Variants in ATP8A1 observed in about 807,000 individuals in gnomAD.
The protein encoded by ATP8A1 is ATPase phospholipid transporting 8A1, also known as phospholipid-transporting ATPase IA.
Under a neutral mutation model 177.7 loss-of-function variants are expected in ATP8A1, and 90 were observed. The ratio of observed to expected loss-of-function variants is 0.51; its 90% CI spans 0.43 to 0.60. The LOEUF (loss-of-function observed/expected upper bound fraction) is 0.60, where lower values mean the gene tolerates loss of function less well. ATP8A1 is among the 20% of genes least tolerant of loss of function. ATP8A1 has a pLI of 0.00. For synonymous variants in ATP8A1, 493 were observed against 485.9 expected (o/e 1.01, Z -0.19); for missense variants, 1,072 against 1,392.8 (o/e 0.77, Z 3.67).
chr4:42,507,056 C>A lies in ATP8A1; in HGVS notation c.2046G>T (p.Trp682Cys), dbSNP rs1415055978. Residue 682 changes from tryptophan to cysteine, a missense_variant, in exon 23 of 37, where the codon TGG (tryptophan) becomes TGT (cysteine). Coordinates refer to ENST00000381668, the MANE Select transcript of ATP8A1 (RefSeq NM_006095.2). ...ETLMKADIKIWILTGDKQETA... is the reference protein window; with the variant it reads ...ETLMKADIKICILTGDKQETA... ...TTTCTTGCTTGTCCCCTGTAAGGAT[C>A]CAGATTTTGATGTCTGCTTTCATTA... 6.2e-7 allele frequency: 1 copy of A among 1,614,056 alleles called. No homozygotes were observed. The highest frequency in any genetic ancestry group is 8.5e-7 in the Non-Finnish European group (1 of 1,179,970).
At chr4:42,483,392 A>C (rs1430742169) in intron 25 of ATP8A1, among the ~76,000 whole-genome samples, 4 of 151,834 alleles carry the variant, frequency 2.6e-5, no homozygotes, top group Admixed American at 2.6e-4. Flanking sequence ...AAAAAAAAAA[A>C]ACCTTAAAAC....
intron 12 of ATP8A1, among the ~76,000 whole-genome samples, chr4:42,575,929 G>C (rs549353127): frequency 2.6e-5 from 4 of 152,234 alleles, no homozygotes; most frequent in East Asian, 1.9e-4. Flanking sequence ...GGTAGTTAGA[G>C]CCTGTCTATG....
Position 42,410,900 on chromosome 4 carries a change from A to G in ATP8A1, c.*2016T>C, listed in dbSNP as rs566356269. 2.6e-5 allele frequency: 4 copies of G among 152,348 alleles called. No homozygotes were observed. Among genetic ancestry groups the G allele is most frequent in the Non-Finnish European group, 4.4e-5 (3 of 68,022 alleles). 9.4% of individuals were successfully genotyped at this position (152,348 alleles called of 1,614,324 possible). On this transcript the variant is annotated 3_prime_UTR_variant, in exon 37 of 37. Coordinates refer to ENST00000381668, the MANE Select transcript of ATP8A1 (RefSeq NM_006095.2). ...AGCTCTTCTCTATTAACAGAATTAA[A>G]CACTACAAAGTGTTTCTCTGGAGGG...
chr4:42,431,368 A>G (rs1476159285), intron 33 of ATP8A1, among the ~76,000 whole-genome samples: 1 of 152,178 alleles, frequency 6.6e-6, no homozygotes, highest in Non-Finnish European at 1.5e-5. Context: ...ATGGCTCACA[A>G]ATTGGGAAGA....
intron 6 of ATP8A1, among the ~76,000 whole-genome samples, chr4:42,594,515 G>A (rs1315635101): frequency 1.3e-5 from 2 of 152,044 alleles, no homozygotes; most frequent in Admixed American, 6.6e-5. Context: ...TTATCTAGGA[G>A]TGAGACCAGG....
chr4:42,424,575 G>C (rs1397223803), intron 33 of ATP8A1, among the ~76,000 whole-genome samples: 1 of 152,130 alleles, frequency 6.6e-6, no homozygotes, highest in African/African-American at 2.4e-5. Flanking sequence ...ATCAGGTATG[G>C]TTCAGGAATT....
At chr4:42,479,584 C>G (rs10517033) in intron 25 of ATP8A1, among the ~76,000 whole-genome samples, 25,315 of 152,132 alleles carry the variant, frequency 0.17, 2,370 homozygotes, top group South Asian at 0.24. Flanking sequence ...ATTTGTATTT[C>G]ACTGAAGAAC....
intron 6 of ATP8A1, among the ~76,000 whole-genome samples, 163 bp downstream of exon 6, chr4:42,600,315 T>C (rs1017020042): frequency 1.3e-5 from 2 of 152,212 alleles, no homozygotes; most frequent in African/African-American, 4.8e-5. Flanking sequence ...AGCAGAAATA[T>C]TAAATGAATG....
rs115224549 is a variant in ATP8A1 at position 42,655,102 on chromosome 4, C to T, written c.49+1723G>A. 6.9e-3 allele frequency among the ~76,000 whole-genome samples: 1,054 copies of T among 152,320 alleles called. 11 individuals are homozygous for T. Among genetic ancestry groups the T allele is most frequent in the African/African-American group, 0.024 (992 of 41,568 alleles). On this transcript the variant is annotated intron_variant, in intron 1 of 36. Transcript: ENST00000381668. ...TATGGCCCTGACACTGTGCTGGACG[C>T]ACAGGGAATACAAAGATTAAACAAG... is the stretch of plus-strand genomic sequence containing the variant.
chr4:42,419,782 T>C (rs998974024), intron 35 of ATP8A1, among the ~76,000 whole-genome samples: 5 of 152,182 alleles, frequency 3.3e-5, no homozygotes, highest in African/African-American at 1.2e-4. Flanking sequence ...GGCGGGTGGA[T>C]CACGAGGTCA....
In ATP8A1 at chr4:42,460,538, C is replaced by T. The variant is rs546433337; in HGVS notation, c.2619+4152G>A. ...AAGTAGCTGGGATTACAGGCAACTG[C>T]CACCATGCCCAGCTAATTTTTTGTA... On this transcript the variant is annotated intron_variant, in intron 27 of 36. Coordinates refer to ENST00000381668, the MANE Select transcript of ATP8A1 (RefSeq NM_006095.2). Among the ~76,000 whole-genome samples the T allele has an allele frequency of 2.0e-5, 3 of 152,208 alleles. No individual in the cohort carries two copies. In the South Asian group the frequency reaches 6.2e-4, roughly 32 times the overall value.
intron 25 of ATP8A1, among the ~76,000 whole-genome samples, chr4:42,475,070 G>C (rs993820179): frequency 6.6e-6 from 1 of 152,064 alleles, no homozygotes; most frequent in African/African-American, 2.4e-5. Flanking sequence ...TTTTACAAAC[G>C]AGGAATCCAA....
rs112957013 is a variant in ATP8A1 at position 42,467,909 on chromosome 4, G to T, written c.2325-2833C>A. On this transcript the variant is annotated intron_variant, in intron 25 of 36. Coordinates refer to ENST00000381668, the MANE Select transcript of ATP8A1 (RefSeq NM_006095.2). ...TGTAGACTCTGGATATTTGTTCTTT[G>T]TTGGATATACAGATTGTGAAGATTT... is the stretch of plus-strand genomic sequence containing the variant. Among the ~76,000 whole-genome samples the T allele has an allele frequency of 8.5e-3, 1,287 of 152,136 alleles. 8 individuals carry two copies. The highest frequency in any genetic ancestry group is 0.028 in the African/African-American group (1,153 of 41,492).
chr4:42,477,855 G>A (rs1721244411), intron 25 of ATP8A1, among the ~76,000 whole-genome samples: 1 of 150,710 alleles, frequency 6.6e-6, no homozygotes, highest in South Asian at 2.1e-4. Context: ...TAGTGGCGCA[G>A]GCCTGTTATC....
intron 1 of ATP8A1, among the ~76,000 whole-genome samples, chr4:42,647,359 C>T (rs987037379): frequency 3.9e-5 from 6 of 152,086 alleles, no homozygotes; most frequent in African/African-American, 1.4e-4. Context: ...AATACAGTGG[C>T]CACTAGTCAC....
At chr4:42,425,564 G>A (rs909072057) in intron 33 of ATP8A1, among the ~76,000 whole-genome samples, 9 of 151,336 alleles carry the variant, frequency 5.9e-5, no homozygotes, top group East Asian at 1.9e-4. Flanking sequence ...TGGATGAAGA[G>A]GGGGGGAAAA....
chr4:42,546,808 T>G (rs1281322050), intron 19 of ATP8A1, among the ~76,000 whole-genome samples: 1 of 152,208 alleles, frequency 6.6e-6, no homozygotes, highest in Non-Finnish European at 1.5e-5. Flanking sequence ...CCGACACAGA[T>G]GACCACTCTC....
At chr4:42,487,906 T>C (rs1299066312) in intron 24 of ATP8A1, among the ~76,000 whole-genome samples, 1 of 152,146 alleles carries the variant, frequency 6.6e-6, no homozygotes, top group Non-Finnish European at 1.5e-5. Context: ...AGGACCACCA[T>C]ATAGCAGCAT....
intron 16 of ATP8A1, among the ~76,000 whole-genome samples, chr4:42,553,304 G>A (rs867364051): frequency 7.1e-4 from 108 of 152,294 alleles, no homozygotes; most frequent in African/African-American, 2.5e-3. Context: ...TTTTAGGCAT[G>A]CAATCTTACT....
Sources: gnomAD v4.1 joint callset for allele counts (sites outside exome capture counted in the v4.1 genomes callset) on GRCh38, gnomAD v4.1.1 for gene constraint, MANE v1.5 for transcripts, NCBI Gene and HGNC (gene_info 2026-07-23, HGNC 2026-07-21) for gene names.